The following COL24A1 variants were observed in gnomAD, a reference collection of about 807,000 sequenced individuals.
COL24A1 encodes collagen alpha-1(XXIV) chain.
COL24A1 carries 224 observed loss-of-function variants against 253.9 expected under a neutral mutation model. That is an observed-to-expected ratio of 0.88 (90% CI 0.79 to 0.99). The LOEUF is 0.99. Ranked by LOEUF, COL24A1 falls within the 50% of genes least tolerant of loss-of-function variation. The pLI, the probability that COL24A1 is intolerant of heterozygous loss-of-function variation, is 0.00. For missense variants in COL24A1, 2,131 were observed against 2,068.5 expected (o/e 1.03, Z -0.59); for synonymous variants, 685 against 673.7 (o/e 1.02, Z -0.26).
chr1:85,851,312 A>G (rs546566747), intron 37 of COL24A1, among the ~76,000 whole-genome samples: 1 of 152,182 alleles, frequency 6.6e-6, no homozygotes, highest in African/African-American at 2.4e-5. Context: ...ATGCTACAGG[A>G]TTCCATGTTA....
At chr1:85,928,659 A>C (rs1324651270) in intron 24 of COL24A1, among the ~76,000 whole-genome samples, 1 of 57,702 alleles carries the variant, frequency 1.7e-5, no homozygotes, top group Non-Finnish European at 3.4e-5. Context: ...AATGAAGGAA[A>C]AAATGTTAAG....
At chr1:86,026,260 C>G (rs571722676) in intron 14 of COL24A1, among the ~76,000 whole-genome samples, 1 of 152,188 alleles carries the variant, frequency 6.6e-6, no homozygotes, top group East Asian at 1.9e-4. Context: ...TAGAAAGGAC[C>G]ATCTATATCA....
At chr1:86,058,426 A>T (rs1271787481) in intron 9 of COL24A1, among the ~76,000 whole-genome samples, 6 of 151,138 alleles carry the variant, frequency 4.0e-5, no homozygotes, top group Admixed American at 6.6e-5. Context: ...TAAGAGTCTA[A>T]TATAGAGTAC....
At chr1:86,122,609 A>G (rs1647547137) in intron 3 of COL24A1, among the ~76,000 whole-genome samples, 2 of 151,886 alleles carry the variant, frequency 1.3e-5, no homozygotes, top group African/African-American at 4.8e-5. Context: ...TTTAATAATG[A>G]TATCACCATT....
chr1:86,023,029 A>G, intron 14 of COL24A1, 22 bp from the exon 15 acceptor site: 1 of 1,607,584 alleles, frequency 6.2e-7, no homozygotes, highest in Non-Finnish European at 8.5e-7. Context: ...TAAGAAAGAA[A>G]TGCATCATTA....
At chr1:86,102,299 G>C (rs559900231) in intron 5 of COL24A1, among the ~76,000 whole-genome samples, 21 of 152,076 alleles carry the variant, frequency 1.4e-4, no homozygotes, top group African/African-American at 4.8e-4. Flanking sequence ...AGTCTAGCTA[G>C]CAGTCTATTT....
intron 38 of COL24A1, 50 bp from the exon 39 acceptor site, chr1:85,847,822 A>T: frequency 8.6e-7 from 1 of 1,167,174 alleles, no homozygotes. Flanking sequence ...ATTTATACTT[A>T]GATTAATTAA....
intron 7 of COL24A1, among the ~76,000 whole-genome samples, chr1:86,066,278 C>G (rs529922783): frequency 6.4e-5 from 9 of 141,372 alleles, no homozygotes; most frequent in Admixed American, 3.7e-4. Flanking sequence ...TCGCTCTATC[C>G]CTCAGGCTGG....
At chr1:85,773,357 T>C (rs1312224564) in intron 53 of COL24A1, among the ~76,000 whole-genome samples, 2 of 152,216 alleles carry the variant, frequency 1.3e-5, no homozygotes, top group East Asian at 1.9e-4. Flanking sequence ...ATGTGGGCTC[T>C]TTTTTGGTTT....
At chr1:86,009,105 A>G (rs976828157) in intron 19 of COL24A1, among the ~76,000 whole-genome samples, 6 of 152,228 alleles carry the variant, frequency 3.9e-5, no homozygotes, top group Non-Finnish European at 7.3e-5. Context: ...ATGAAGCTAG[A>G]TAGATTGATG....
intron 47 of COL24A1, among the ~76,000 whole-genome samples, chr1:85,812,080 T>A (rs929964364): frequency 6.8e-6 from 1 of 146,278 alleles, no homozygotes; most frequent in Admixed American, 6.8e-5. Context: ...TGACTGAACC[T>A]GGAATGTCAA....
At chr1:85,961,212 C>A in intron 24 of COL24A1, 37 bp downstream of exon 24, 1 of 1,456,894 alleles carries the variant, frequency 6.9e-7, no homozygotes, top group Non-Finnish European at 9.6e-7. Flanking sequence ...AAAATGCTTA[C>A]AGCTGATTAA....
At chr1:86,112,984 C>A (rs1461747598) in intron 4 of COL24A1, among the ~76,000 whole-genome samples, 2 of 152,066 alleles carry the variant, frequency 1.3e-5, no homozygotes, top group Admixed American at 6.6e-5. Flanking sequence ...GTTCTAACTG[C>A]CTTATGACAT....
chr1:85,856,717 T>C (rs1678476784), intron 37 of COL24A1, among the ~76,000 whole-genome samples: 1 of 152,226 alleles, frequency 6.6e-6, no homozygotes, highest in South Asian at 2.1e-4. Flanking sequence ...AGGCAAAATT[T>C]GAAAATTAGT....
In COL24A1 at chr1:86,023,018, G is replaced by T; in HGVS notation, c.2050-11C>A. On this transcript the variant is annotated splice_polypyrimidine_tract_variant and intron_variant, in intron 14 of 59. Transcript: ENST00000370571. ...AGGGCCAACACTGCCCTGGAAAACA[G>T]TAAGAAAGAAATGCATCATTAAGCA... 2 of 1,611,024 alleles carry T rather than the reference G, an allele frequency of 1.2e-6. No homozygotes were observed. Among genetic ancestry groups the T allele is most frequent in the East Asian group, 2.2e-5 (1 of 44,710 alleles).
chr1:85,827,315 G>T (rs1378498364), intron 43 of COL24A1, among the ~76,000 whole-genome samples: 1 of 151,362 alleles, frequency 6.6e-6, no homozygotes, highest in Non-Finnish European at 1.5e-5. Flanking sequence ...ATGTGCTGCT[G>T]GATTCAGTTT....
rs761039101 is a variant in COL24A1, at chr1:85,730,533, T to A, written c.*13A>T. 6.2e-7 allele frequency: 1 copy of A among 1,612,290 alleles called. No homozygotes were observed. Among genetic ancestry groups the A allele is most frequent in the South Asian group, 1.1e-5 (1 of 90,858 alleles). On this transcript the variant is annotated 3_prime_UTR_variant, in exon 60 of 60. Coordinates refer to ENST00000370571, the MANE Select transcript of COL24A1 (RefSeq NM_152890.7). ...CTGGCCAACAGCCTGAATTCGGAACTAATTCAGAGACTTTACAGAAAGCAT... is the reference window on the plus strand; with the variant it reads ...CTGGCCAACAGCCTGAATTCGGAACAAATTCAGAGACTTTACAGAAAGCAT...
At chr1:85,984,070 T>C (rs2100888410) in intron 20 of COL24A1, among the ~76,000 whole-genome samples, 1 of 151,944 alleles carries the variant, frequency 6.6e-6, no homozygotes, top group East Asian at 1.9e-4. Flanking sequence ...TGCCCCAGTT[T>C]TGACATTCTA....
At chr1:85,911,511 A>T in intron 24 of COL24A1, 78 bp from the exon 25 acceptor site, 1 of 1,101,224 alleles carries the variant, frequency 9.1e-7, no homozygotes, top group Non-Finnish European at 1.4e-6. Flanking sequence ...AATCACCTGT[A>T]ATCACTATGT....
Sources: allele counts gnomAD v4.1 joint callset (sites outside exome capture counted in the v4.1 genomes callset), GRCh38; gene constraint gnomAD v4.1.1; transcripts MANE v1.5; gene names NCBI Gene and HGNC (gene_info 2026-07-23, HGNC 2026-07-21).